AKAP7: variants seen among roughly 807,000 people sequenced by gnomAD.
The protein encoded by AKAP7 is A kinase (PRKA) anchor protein 7.
A neutral mutation model predicts 39.5 loss-of-function variants in AKAP7; 39 were observed. The ratio of observed to expected loss-of-function variants is 0.99; its 90% CI spans 0.76 to 1.29. The LOEUF is 1.29. Ranked by LOEUF, AKAP7 falls within the 50% of genes most tolerant of loss-of-function variation. AKAP7 has a pLI of 0.00. For synonymous variants in AKAP7, 140 were observed against 139.1 expected, an observed-to-expected ratio of 1.01 and a Z score of -0.05; for missense variants, 414 against 407.7, an observed-to-expected ratio of 1.02 and a Z score of -0.13.
intron 1 of AKAP7, among the ~76,000 whole-genome samples, chr6:131,139,452 T>C (rs1274324179): frequency 6.6e-6 from 1 of 152,244 alleles, no homozygotes; most frequent in African/African-American, 2.4e-5. Context: ...GAACAAGTTA[T>C]ATTATGCTTT....
Position 131,282,601 on chromosome 6 carries a change from A to T in AKAP7, c.*875A>T. On this transcript the variant is annotated 3_prime_UTR_variant, in exon 8 of 8. Coordinates refer to ENST00000431975, the MANE Select transcript of AKAP7 (RefSeq NM_016377.4). ...ACGTTGATTTCAGCACAACTTTGAC[A>T]TAAGCTCTACATTGCGATTGTGACA... The T allele has an allele frequency of 6.5e-7, 1 of 1,533,736 alleles. No homozygotes were observed. The highest frequency in any genetic ancestry group is 8.7e-7 in the Non-Finnish European group (1 of 1,145,016).
chr6:131,268,839 TA>T lies in AKAP7; in HGVS notation c.851-12689del, dbSNP rs1814033099. 2.0e-5 allele frequency among the ~76,000 whole-genome samples: 3 copies of T among 152,232 alleles called. No homozygotes were observed. The South Asian group carries it at 6.2e-4, about 31-fold the overall frequency. ...GGTAATGCTCTCTTAAAATACATGA[TA>T]AGAAATTACATGAATGTAATAATAT... On this transcript the variant is annotated intron_variant, in intron 7 of 7. Transcript: ENST00000431975.
At chr6:131,188,642 G>A (rs941504801) in intron 5 of AKAP7, among the ~76,000 whole-genome samples, 1 of 151,950 alleles carries the variant, frequency 6.6e-6, no homozygotes, top group Non-Finnish European at 1.5e-5. Context: ...GGGCTTAGGT[G>A]AGCTTCCCAT....
rs1408590433 is a variant in AKAP7, at chr6:131,136,916, T to C, written c.19+1134T>C. 6.2e-6 allele frequency: 6 copies of C among 969,734 alleles called. No individual in the cohort carries two copies. In the Admixed American group the frequency reaches 3.1e-4, roughly 50 times the overall value. The allele number at this position is 969,734 out of a possible 1,614,324, so 60.1% of individuals were successfully genotyped here. ...TGCCCTTAGCCCTTTCCAGTTGTTCTTAGGAATAAACTTATTTATGTATGT... is the reference window on the plus strand; with the variant it reads ...TGCCCTTAGCCCTTTCCAGTTGTTCCTAGGAATAAACTTATTTATGTATGT... On this transcript the variant is annotated intron_variant, in intron 1 of 7. Transcript: ENST00000431975.
chr6:131,183,337 G>A (rs1805470916), intron 5 of AKAP7, among the ~76,000 whole-genome samples: 1 of 152,156 alleles, frequency 6.6e-6, no homozygotes, highest in South Asian at 2.1e-4. Context: ...GGGGAAGAAA[G>A]GGATGTCTGT....
At chr6:131,170,299 T>TA (rs746782065) in intron 5 of AKAP7, among the ~76,000 whole-genome samples, 7 of 98,884 alleles carry the variant, frequency 7.1e-5, no homozygotes, top group African/African-American at 1.3e-4. Context: ...AAGTATAATT[T>TA]AAAAAAAAAA....
At chr6:131,149,535 C>T (rs563187227) in intron 2 of AKAP7, among the ~76,000 whole-genome samples, 19 of 152,214 alleles carry the variant, frequency 1.2e-4, no homozygotes, top group Middle Eastern at 3.4e-3. Flanking sequence ...CTAGGGAGGC[C>T]GAGGCCGGAG....
chr6:131,166,790 A>G (rs1803542864), intron 4 of AKAP7, among the ~76,000 whole-genome samples: 2 of 152,184 alleles, frequency 1.3e-5, no homozygotes, highest in African/African-American at 4.8e-5. Context: ...ACAATTTATT[A>G]AAAGTCTCTG....
chr6:131,247,193 T>C (rs939515232), intron 7 of AKAP7, among the ~76,000 whole-genome samples: 5 of 147,982 alleles, frequency 3.4e-5, no homozygotes, highest in African/African-American at 9.9e-5. Flanking sequence ...TTAATGCTTA[T>C]GAAAAAGCCT....
intron 7 of AKAP7, among the ~76,000 whole-genome samples, chr6:131,276,884 C>A (rs538288987): frequency 6.6e-6 from 1 of 152,118 alleles, no homozygotes; most frequent in South Asian, 2.1e-4. Flanking sequence ...GTTTCTGGAG[C>A]CCTTCATGTG....
At chr6:131,259,734 T>C (rs1813151689) in intron 7 of AKAP7, among the ~76,000 whole-genome samples, 1 of 152,224 alleles carries the variant, frequency 6.6e-6, no homozygotes, top group Admixed American at 6.5e-5. Context: ...GAGAGAAGAT[T>C]TTTTAAGGCA....
intron 2 of AKAP7, among the ~76,000 whole-genome samples, chr6:131,146,932 T>C (rs184625785): frequency 7.9e-5 from 12 of 152,308 alleles, no homozygotes; most frequent in South Asian, 4.1e-4. Context: ...CCCAGCTTCA[T>C]TGGGGAGCCA....
At chr6:131,183,899 C>T (rs1274404471) in intron 5 of AKAP7, among the ~76,000 whole-genome samples, 2 of 152,084 alleles carry the variant, frequency 1.3e-5, no homozygotes, top group African/African-American at 2.4e-5. Context: ...CTGCCTTGGG[C>T]AGAGGCTCTG....
chr6:131,276,073 G>A (rs1814715244), intron 7 of AKAP7, among the ~76,000 whole-genome samples: 1 of 152,178 alleles, frequency 6.6e-6, no homozygotes, highest in African/African-American at 2.4e-5. Context: ...GGGACATACA[G>A]TGTAGCAGTC....
intron 7 of AKAP7, among the ~76,000 whole-genome samples, chr6:131,235,307 C>G (rs1421015205): frequency 1.3e-5 from 2 of 152,120 alleles, no homozygotes; most frequent in Non-Finnish European, 2.9e-5. Context: ...CAGTCTATCA[C>G]TGTTGGACAT....
At chr6:131,200,399 A>G (rs909496365) in intron 6 of AKAP7, among the ~76,000 whole-genome samples, 5 of 152,222 alleles carry the variant, frequency 3.3e-5, no homozygotes, top group African/African-American at 1.2e-4. Flanking sequence ...GGAGATGGGC[A>G]TGCAGATTAA....
intron 2 of AKAP7, among the ~76,000 whole-genome samples, chr6:131,157,737 A>G (rs1802552382): frequency 6.6e-6 from 1 of 152,214 alleles, no homozygotes; most frequent in Non-Finnish European, 1.5e-5. Context: ...AAGTTCTGAT[A>G]AGGTTAGGTG....
chr6:131,150,222 C>A (rs1273008929), intron 2 of AKAP7, among the ~76,000 whole-genome samples: 2 of 152,072 alleles, frequency 1.3e-5, no homozygotes, highest in African/African-American at 2.4e-5. Flanking sequence ...GCTTATAATT[C>A]TTATTTTACC....
chr6:131,257,676 C>G (rs1812977267), intron 7 of AKAP7, among the ~76,000 whole-genome samples: 2 of 152,098 alleles, frequency 1.3e-5, no homozygotes, highest in Admixed American at 1.3e-4. Flanking sequence ...AGCAGAAAGG[C>G]TGTCATCCTA....
Sources: gnomAD v4.1 joint callset for allele counts (sites outside exome capture counted in the v4.1 genomes callset) on GRCh38, gnomAD v4.1.1 for gene constraint, MANE v1.5 for transcripts, NCBI Gene and HGNC (gene_info 2026-07-23, HGNC 2026-07-21) for gene names.